The following WDR45B variants were observed in gnomAD, a reference collection of about 807,000 sequenced individuals.
WDR45B encodes the protein WD repeat domain 45B.
In WDR45B, 20 loss-of-function variants were observed where a neutral mutation model predicts 44.6. That is an observed-to-expected ratio of 0.45 (90% CI 0.32 to 0.65). The LOEUF (loss-of-function observed/expected upper bound fraction) is 0.65, where lower values mean the gene tolerates loss of function less well. WDR45B is among the 30% of genes least tolerant of loss of function. WDR45B has a pLI of 0.05. For synonymous variants in WDR45B, 169 were observed against 164.9 expected (o/e 1.02, Z -0.19); for missense variants, 323 against 430.2 (o/e 0.75, Z 2.20).
chr17:82,626,516 A>C (rs2143293878), intron 4 of WDR45B, among the ~76,000 whole-genome samples: 1 of 128,342 alleles, frequency 7.8e-6, no homozygotes, highest in Non-Finnish European at 1.6e-5. Flanking sequence ...CTGGCAACAG[A>C]GCAAGACTCT....
chr17:82,629,004 CTAAA>C (rs2045733984), intron 3 of WDR45B, among the ~76,000 whole-genome samples: 2 of 152,036 alleles, frequency 1.3e-5, no homozygotes, highest in Admixed American at 6.6e-5. Context: ...TGTCTCAAAA[CTAAA>C]TAAATAAAAA....
chr17:82,615,853 C>T lies in WDR45B; in HGVS notation c.*66G>A. On this transcript the variant is annotated 3_prime_UTR_variant, in exon 10 of 10. Transcript: ENST00000392325. Reference sequence around the variant, plus strand: ...CCCGTGGCCCAGGAGGCCCCTGGGGCACTGGCACCAGCCCCGAGAGTCTGA... The same window carrying T: ...CCCGTGGCCCAGGAGGCCCCTGGGGTACTGGCACCAGCCCCGAGAGTCTGA... 2.1e-5 allele frequency: 31 copies of T among 1,496,798 alleles called. No individual in the cohort carries two copies. Among genetic ancestry groups the T allele is most frequent in the Non-Finnish European group, 2.9e-5 (31 of 1,076,104 alleles). 92.7% of individuals were successfully genotyped at this position (1,496,798 alleles called of 1,614,324 possible).
intron 1 of WDR45B, chr17:82,644,497 T>G (rs972993367): frequency 4.8e-6 from 1 of 210,144 alleles, no homozygotes; most frequent in African/African-American, 2.3e-5. Flanking sequence ...TCCCGTGACT[T>G]TGCTCCCACC....
At chr17:82,621,508 G>A (rs1308388313) in intron 6 of WDR45B, 101 bp downstream of exon 6, 3 of 1,506,910 alleles carry the variant, frequency 2.0e-6, no homozygotes, top group African/African-American at 2.7e-5. Context: ...CCAGGTTGGG[G>A]CAGGCCCACT....
Position 82,648,429 on chromosome 17 carries a change from C to G in WDR45B, c.-89G>C. On this transcript the variant is annotated 5_prime_UTR_variant, in exon 1 of 10. Coordinates refer to ENST00000392325, the MANE Select transcript of WDR45B (RefSeq NM_019613.4). ...GGTCCCTTCGGGCCGGCGCTGAGGCCGCCGCGGCCGGAAGTGCCGGACGTA... is the reference window on the plus strand; with the variant it reads ...GGTCCCTTCGGGCCGGCGCTGAGGCGGCCGCGGCCGGAAGTGCCGGACGTA... 6.7e-7 allele frequency: 1 copy of G among 1,501,768 alleles called. No homozygotes were observed. Among genetic ancestry groups the G allele is most frequent in the African/African-American group, 1.4e-5 (1 of 69,654 alleles). 93.0% of individuals were successfully genotyped at this position (1,501,768 alleles called of 1,614,324 possible). A position where few individuals can be genotyped will look rare whatever the true frequency, so the allele number is the denominator to read the frequency against.
At chr17:82,617,608 T>C (rs1312296051) in intron 7 of WDR45B, 1 of 597,098 alleles carries the variant, frequency 1.7e-6, no homozygotes, top group Non-Finnish European at 3.1e-6. Flanking sequence ...ATCCAGTGTA[T>C]CACGGCAAGT....
intron 6 of WDR45B, among the ~76,000 whole-genome samples, chr17:82,620,524 C>T (rs1167129393): frequency 6.6e-6 from 1 of 152,238 alleles, no homozygotes. Context: ...ACGCCCCAAA[C>T]CGCGTGTCCC....
Position 82,615,781 on chromosome 17 carries a change from C to A in WDR45B, c.*138G>T. ...AAATGGGAGTCCTTAGGAAAGCAGA[C>A]AACCACGTATGGCTTCGAGACCAAG... On this transcript the variant is annotated 3_prime_UTR_variant, in exon 10 of 10. Coordinates refer to ENST00000392325, the MANE Select transcript of WDR45B (RefSeq NM_019613.4). 1.3e-6 allele frequency: 1 copy of A among 757,684 alleles called. No individual in the cohort carries two copies. Among genetic ancestry groups the A allele is most frequent in the South Asian group, 1.4e-5 (1 of 69,882 alleles). The allele number at this position is 757,684 out of a possible 1,614,324, so 46.9% of individuals were successfully genotyped here.
At chr17:82,646,034 T>G (rs547243346) in intron 1 of WDR45B, among the ~76,000 whole-genome samples, 2 of 150,856 alleles carry the variant, frequency 1.3e-5, no homozygotes, top group African/African-American at 4.9e-5. Context: ...GGCAGGAGAA[T>G]CGCTTGAACC....
chr17:82,615,530 A>G lies in WDR45B; in HGVS notation c.*389T>C, dbSNP rs1157473913. 6.6e-6 allele frequency: 2 copies of G among 300,934 alleles called. No individual in the cohort carries two copies. Among genetic ancestry groups the G allele is most frequent in the East Asian group, 1.6e-4 (2 of 12,688 alleles). The allele number at this position is 300,934 out of a possible 1,614,324, so 18.6% of individuals were successfully genotyped here. ...TTGTTCACTCCCCCGCTGCAGACTC[A>G]GTAAGAACGACGGAATCTGCTGCAA... On this transcript the variant is annotated 3_prime_UTR_variant, in exon 10 of 10. Transcript: ENST00000392325.
intron 5 of WDR45B, 115 bp from the exon 6 acceptor site, chr17:82,621,914 C>A: frequency 8.7e-7 from 1 of 1,150,762 alleles, no homozygotes; most frequent in Non-Finnish European, 1.3e-6. Flanking sequence ...TTATAAATAT[C>A]AGAACCACAA....
intron 2 of WDR45B, among the ~76,000 whole-genome samples, chr17:82,635,200 G>A (rs2045817346): frequency 6.6e-6 from 1 of 151,534 alleles, no homozygotes; most frequent in Non-Finnish European, 1.5e-5. Context: ...TGCTGCCACT[G>A]AAGACCTTCT....
chr17:82,623,349 T>G (rs1405787918), intron 5 of WDR45B, among the ~76,000 whole-genome samples: 1 of 140,904 alleles, frequency 7.1e-6, no homozygotes, highest in African/African-American at 2.7e-5. Context: ...ATCGCACCAC[T>G]GCACTCCAGC....
chr17:82,648,254 A>G lies in WDR45B; in HGVS notation c.67+20T>C. On this transcript the variant is annotated intron_variant, in intron 1 of 9. Transcript: ENST00000392325. ...CGGGAAGGCCCGGCCGGGCAAGGCGACAGGGCCGCGCCTCCTCACCGTGGT... is the reference window on the plus strand; with the variant it reads ...CGGGAAGGCCCGGCCGGGCAAGGCGGCAGGGCCGCGCCTCCTCACCGTGGT... 1.2e-6 allele frequency: 2 copies of G among 1,600,054 alleles called. No homozygotes were observed. Among genetic ancestry groups the G allele is most frequent in the Non-Finnish European group, 1.7e-6 (2 of 1,175,380 alleles).
intron 2 of WDR45B, chr17:82,636,662 T>C (rs746302586): frequency 6.6e-6 from 1 of 152,064 alleles, no homozygotes; most frequent in Non-Finnish European, 1.5e-5. Flanking sequence ...AATAAATCTT[T>C]CTGAGTTTCT....
At chr17:82,616,887 G>A (rs539295413) in intron 8 of WDR45B, among the ~76,000 whole-genome samples, 2 of 151,986 alleles carry the variant, frequency 1.3e-5, no homozygotes, top group East Asian at 1.9e-4. Context: ...GCGCAATCTC[G>A]GCTCACTGCA....
chr17:82,629,643 AAAAT>A, intron 3 of WDR45B: 1 of 985,500 alleles, frequency 1.0e-6, no homozygotes, highest in South Asian at 4.7e-5. Flanking sequence ...TTCCAAAACA[AAAAT>A]AAATGTATCA....
intron 1 of WDR45B, among the ~76,000 whole-genome samples, chr17:82,646,192 G>C (rs1003851602): frequency 6.6e-6 from 1 of 151,240 alleles, no homozygotes; most frequent in Admixed American, 6.6e-5. Context: ...ATGATGTTGA[G>C]TAAGAAACCT....
At chr17:82,627,832 G>A (rs1005682051) in intron 3 of WDR45B, among the ~76,000 whole-genome samples, 6 of 152,252 alleles carry the variant, frequency 3.9e-5, no homozygotes, top group African/African-American at 1.2e-4. Flanking sequence ...CCACCCGACT[G>A]AGCCCATAGG....
Sources: gnomAD v4.1 joint callset for allele counts (sites outside exome capture counted in the v4.1 genomes callset) on GRCh38, gnomAD v4.1.1 for gene constraint, MANE v1.5 for transcripts, NCBI Gene and HGNC (gene_info 2026-07-23, HGNC 2026-07-21) for gene names.